The following ZNF578 variants were observed in gnomAD, a reference collection of about 807,000 sequenced individuals.
The protein encoded by ZNF578 is Putative chemokine-related protein B42.
In ZNF578, 8 loss-of-function variants were observed where a neutral mutation model predicts 8.3. That is an observed-to-expected ratio of 0.96 (90% CI 0.56 to 1.74). The LOEUF (loss-of-function observed/expected upper bound fraction) is 1.74. ZNF578 is among the 40% of genes most tolerant of loss of function. ZNF578 has a pLI of 0.00. For synonymous variants in ZNF578, 206 were observed against 232.2 expected, an observed-to-expected ratio of 0.89 and a Z score of 1.03; for missense variants, 726 against 707.5, an observed-to-expected ratio of 1.03 and a Z score of -0.30.
At chr19:52,489,751 G>A (rs2059358891) in intron 2 of ZNF578, among the ~76,000 whole-genome samples, 1 of 151,466 alleles carries the variant, frequency 6.6e-6, no homozygotes, top group African/African-American at 2.4e-5. Flanking sequence ...TGCCTCCCGG[G>A]TTCACGCCAT....
chr19:52,479,202 A>G (rs911766269), intron 2 of ZNF578, among the ~76,000 whole-genome samples: 19 of 152,256 alleles, frequency 1.2e-4, no homozygotes, highest in African/African-American at 3.8e-4. Flanking sequence ...TTTTTCTTCA[A>G]TAAACAAATT....
chr19:52,473,996 C>T, intron 2 of ZNF578: 1 of 400,656 alleles, frequency 2.5e-6, no homozygotes, highest in Non-Finnish European at 5.0e-6. Flanking sequence ...AGGTTTCTCT[C>T]CAGTATGAGT....
chr19:52,505,308 C>T (rs438605), intron 5 of ZNF578, among the ~76,000 whole-genome samples: 2,915 of 152,290 alleles, frequency 0.019, 99 homozygotes, highest in African/African-American at 0.067. Flanking sequence ...TTTCTCCTAG[C>T]GGGGACATCA....
intron 4 of ZNF578, among the ~76,000 whole-genome samples, chr19:52,502,187 G>T (rs1253334126): frequency 6.6e-6 from 1 of 152,148 alleles, no homozygotes; most frequent in African/African-American, 2.4e-5. Context: ...ATTAACATGG[G>T]GTGTGGGCCC....
chr19:52,482,049 T>C (rs977702413), intron 2 of ZNF578, among the ~76,000 whole-genome samples: 1 of 152,126 alleles, frequency 6.6e-6, no homozygotes, highest in Non-Finnish European at 1.5e-5. Flanking sequence ...GAACTTTTTT[T>C]TGAGAGAGAG....
rs140077833 is a variant in ZNF578 at position 52,459,719 on chromosome 19, G to GTATATA, written c.-122+2762_-122+2763insATATAT. On this transcript the variant is annotated intron_variant, in intron 2 of 5. Coordinates refer to ENST00000421239, the MANE Select transcript of ZNF578 (RefSeq NM_001099694.2). Reference sequence around the variant, plus strand: ...TGAGTGTGTATATGTAGATATGTGTGTGTGTGTGTGTGTGTGTGTGTGTGT... The same window carrying GTATATA: ...TGAGTGTGTATATGTAGATATGTGTGTATATATGTGTGTGTGTGTGTGTGTGTGTGT... Among the ~76,000 whole-genome samples, 209 of 48,680 alleles carry GTATATA rather than the reference G, an allele frequency of 4.3e-3. 16 individuals carry two copies. Among genetic ancestry groups the GTATATA allele is most frequent in the Middle Eastern group, 0.037 (3 of 80 alleles). The allele number at this position is 48,680 out of a possible 152,430, so 31.9% of individuals were successfully genotyped here.
chr19:52,486,184 C>T (rs981693419), intron 2 of ZNF578, among the ~76,000 whole-genome samples: 5 of 152,202 alleles, frequency 3.3e-5, no homozygotes, highest in African/African-American at 1.2e-4. Context: ...TGTATATGCA[C>T]ATCAAAGGCA....
chr19:52,468,447 A>G (rs2059282125), intron 2 of ZNF578, among the ~76,000 whole-genome samples: 1 of 152,236 alleles, frequency 6.6e-6, no homozygotes, highest in African/African-American at 2.4e-5. Flanking sequence ...ATAAGCTATT[A>G]CCATGAAGAA....
chr19:52,467,670 A>G (rs1001342339), intron 2 of ZNF578, among the ~76,000 whole-genome samples: 12 of 152,102 alleles, frequency 7.9e-5, no homozygotes, highest in African/African-American at 2.4e-4. Flanking sequence ...TGCTGACGAA[A>G]GAAATCAAAG....
intron 2 of ZNF578, among the ~76,000 whole-genome samples, chr19:52,468,424 C>T (rs2059282076): frequency 6.6e-6 from 1 of 152,116 alleles, no homozygotes; most frequent in Admixed American, 6.5e-5. Context: ...TGTCCAGCCA[C>T]AAGAGGAATG....
At chr19:52,508,477 ATCCTATTGG>A (rs1237130805) in intron 5 of ZNF578, among the ~76,000 whole-genome samples, 2 of 151,984 alleles carry the variant, frequency 1.3e-5, no homozygotes, top group African/African-American at 2.4e-5. Context: ...CTGCAGGAAC[ATCCTATTGG>A]TCCTATTGGT....
intron 2 of ZNF578, among the ~76,000 whole-genome samples, chr19:52,486,394 G>A (rs1029473228): frequency 1.2e-4 from 19 of 152,078 alleles, no homozygotes; most frequent in African/African-American, 4.6e-4. Context: ...CGGTCCCCTG[G>A]GCCCACTGTT....
intron 2 of ZNF578, among the ~76,000 whole-genome samples, chr19:52,472,779 G>T (rs2059296111): frequency 6.6e-6 from 1 of 152,148 alleles, no homozygotes; most frequent in South Asian, 2.1e-4. Flanking sequence ...GCCATGAAAA[G>T]ATTTCAAAGT....
At position 52,490,849 on chromosome 19, in the gene ZNF578, C is replaced by T. The variant is rs535004123; in HGVS notation, c.-121-475C>T. 7.9e-5 allele frequency among the ~76,000 whole-genome samples: 12 copies of T among 152,220 alleles called. No individual in the cohort carries two copies. The East Asian group carries it at 2.1e-3, about 27-fold the overall frequency. The stretch of plus-strand genomic sequence containing the variant: ...TCTTCTCTGTGCTATGATTATTTGA[C>T]AATACAGAATTTCCATTGATTTTGG... On this transcript the variant is annotated intron_variant, in intron 2 of 5. Transcript: ENST00000421239.
intron 5 of ZNF578, among the ~76,000 whole-genome samples, chr19:52,508,257 A>G (rs1443989532): frequency 6.6e-6 from 1 of 151,654 alleles, no homozygotes; most frequent in African/African-American, 2.4e-5. Context: ...AGGCAGGAGA[A>G]TCACTTGAAC....
intron 2 of ZNF578, among the ~76,000 whole-genome samples, chr19:52,483,379 C>G (rs906761152): frequency 9.9e-5 from 15 of 152,178 alleles, no homozygotes; most frequent in African/African-American, 3.4e-4. Context: ...CACGCCATTG[C>G]ACTCCAGCCT....
intron 2 of ZNF578, among the ~76,000 whole-genome samples, chr19:52,483,008 G>T (rs1405535151): frequency 6.6e-6 from 1 of 151,914 alleles, no homozygotes; most frequent in Non-Finnish European, 1.5e-5. Context: ...TACTTGGGAG[G>T]CTGAGGCAGG....
At chr19:52,490,740 G>T (rs747481145) in intron 2 of ZNF578, among the ~76,000 whole-genome samples, 4 of 151,898 alleles carry the variant, frequency 2.6e-5, no homozygotes, top group Middle Eastern at 3.4e-3. Context: ...CAGGTTCAAG[G>T]GATTCTTGTG....
intron 2 of ZNF578, among the ~76,000 whole-genome samples, chr19:52,465,675 T>G (rs936345581): frequency 1.3e-5 from 2 of 152,168 alleles, no homozygotes; most frequent in Non-Finnish European, 2.9e-5. Flanking sequence ...ATGAAACAAA[T>G]CCGTAAGATT....
Sources: allele counts gnomAD v4.1 joint callset (sites outside exome capture counted in the v4.1 genomes callset), GRCh38; gene constraint gnomAD v4.1.1; transcripts MANE v1.5; gene names NCBI Gene and HGNC (gene_info 2026-07-23, HGNC 2026-07-21).